The following DOCK9 variants were observed in gnomAD, a reference collection of about 807,000 sequenced individuals.
DOCK9 encodes the protein dedicator of cytokinesis 9.
DOCK9 carries 89 observed loss-of-function variants against 263.3 expected under a neutral mutation model. The observed-to-expected ratio is 0.34, with a 90% CI of 0.28 to 0.40. DOCK9 has a LOEUF of 0.40. Among genes scored for constraint, DOCK9 ranks in the 10% least tolerant of loss-of-function variants. DOCK9 has a pLI of 1.00. For missense variants in DOCK9, 2,140 were observed against 2,603.4 expected (o/e 0.82, Z 3.87); for synonymous variants, 976 against 973.1 (o/e 1.00, Z -0.06).
chr13:98,872,455 G>A lies in DOCK9; in HGVS notation c.2944-4078C>T, dbSNP rs776150806. Among the ~76,000 whole-genome samples, 265 of 151,604 alleles carry A rather than the reference G, an allele frequency of 1.7e-3. 1 individual carries two copies. Among genetic ancestry groups the A allele is most frequent in the Admixed American group, 3.5e-3 (53 of 15,238 alleles). Reference sequence around the variant, plus strand: ...AAGGTCTCACTCTGTCGCCCAGGCTGGAGTGCACTGGCACAATCACAGCTC... The same window carrying A: ...AAGGTCTCACTCTGTCGCCCAGGCTAGAGTGCACTGGCACAATCACAGCTC... On this transcript the variant is annotated intron_variant, in intron 27 of 52. Transcript: ENST00000682017.
intron 1 of DOCK9, among the ~76,000 whole-genome samples, chr13:99,024,250 G>T (rs1886458907): frequency 6.6e-6 from 1 of 152,178 alleles, no homozygotes; most frequent in African/African-American, 2.4e-5. Context: ...AAGCACCCAT[G>T]GCCCCACTGT....
intron 1 of DOCK9, among the ~76,000 whole-genome samples, chr13:99,024,027 T>A (rs1282889995): frequency 6.6e-6 from 1 of 152,166 alleles, no homozygotes; most frequent in African/African-American, 2.4e-5. Flanking sequence ...CTGCCAGAAG[T>A]GGCAACTTAA....
At position 98,888,459 on chromosome 13, in the gene DOCK9, G is replaced by C. The variant is rs1205827560; in HGVS notation, c.1878C>G (p.Pro626=). The part of the protein sequence containing the change: ...PITFEVEEFV[P]CIPKHTQPYT... ...AAGGCTGAGTGTGTTTTGGTATGCA[G>C]GGCACAAATTCCTCCACTTCAAACG... The change falls in exon 17 of 53, where the codon CCC becomes CCG. Residue 626 remains proline, a synonymous_variant. Transcript: ENST00000682017. 6.2e-7 allele frequency: 1 copy of C among 1,613,844 alleles called. No homozygotes were observed. Among genetic ancestry groups the C allele is most frequent in the African/African-American group, 1.3e-5 (1 of 74,930 alleles).
intron 1 of DOCK9, among the ~76,000 whole-genome samples, chr13:99,028,708 G>C (rs1454504029): frequency 6.6e-6 from 1 of 152,142 alleles, no homozygotes; most frequent in East Asian, 1.9e-4. Context: ...ACAAAGCCCA[G>C]CAACAGGTAA....
chr13:99,055,218 A>C (rs1034055288), intron 1 of DOCK9, among the ~76,000 whole-genome samples: 1 of 152,230 alleles, frequency 6.6e-6, no homozygotes, highest in Non-Finnish European at 1.5e-5. Flanking sequence ...TCTGAAATTA[A>C]ATAAAAGTTC....
chr13:98,932,394 CAAA>C (rs1314484806), intron 2 of DOCK9, among the ~76,000 whole-genome samples: 7 of 124,970 alleles, frequency 5.6e-5, no homozygotes, highest in African/African-American at 1.9e-4. Context: ...GACTCCATCT[CAAA>C]AAACAACAAC....
In DOCK9 at chr13:98,888,403, T is replaced by A. The variant is rs2138960482; in HGVS notation, c.1934A>T (p.Tyr645Phe). The change falls in exon 17 of 53, where the codon TAT becomes TTT. Residue 645 changes from tyrosine to phenylalanine, a missense_variant. By Grantham distance (22) the Tyr-to-Phe change is conservative. Coordinates refer to ENST00000682017, the MANE Select transcript of DOCK9 (RefSeq NM_001366683.2). ...ACTGTCGTATTTCAAGTACTTAGGATAAACGTAAAGGTGATTGGTGTAGAT... is the reference window on the plus strand; with the variant it reads ...ACTGTCGTATTTCAAGTACTTAGGAAAAACGTAAAGGTGATTGGTGTAGAT... Reference protein sequence around the residue: ...YTIYTNHLYVYPKYLKYDSQK... With the variant: ...YTIYTNHLYVFPKYLKYDSQK... 6.2e-6 allele frequency: 10 copies of A among 1,613,954 alleles called. No homozygotes were observed. The East Asian group carries it at 2.2e-4, about 36-fold the overall frequency.
intron 38 of DOCK9, among the ~76,000 whole-genome samples, chr13:98,840,943 A>G (rs553801128): frequency 6.6e-6 from 1 of 152,358 alleles, no homozygotes; most frequent in East Asian, 1.9e-4. Context: ...TAGAAGACCT[A>G]GTCTCCTAGA....
At chr13:98,953,017 A>G (rs1238970045) in intron 2 of DOCK9, among the ~76,000 whole-genome samples, 1 of 152,230 alleles carries the variant, frequency 6.6e-6, no homozygotes, top group East Asian at 1.9e-4. Context: ...TCTGCCTAAG[A>G]AAACACAGAT....
intron 45 of DOCK9, among the ~76,000 whole-genome samples, chr13:98,813,084 T>C (rs368564030): frequency 5.9e-5 from 9 of 152,372 alleles, no homozygotes; most frequent in South Asian, 2.1e-4. Context: ...AAGTTAATTT[T>C]TGTATACTAA....
At chr13:98,862,775 G>A (rs2093911007) in intron 32 of DOCK9, among the ~76,000 whole-genome samples, 2 of 152,130 alleles carry the variant, frequency 1.3e-5, no homozygotes, top group Admixed American at 1.3e-4. Context: ...GCAGAGACTG[G>A]CGCGATGCCA....
chr13:98,991,392 A>T (rs1408390872), intron 1 of DOCK9, among the ~76,000 whole-genome samples: 1 of 152,168 alleles, frequency 6.6e-6, no homozygotes, highest in Admixed American at 6.5e-5. Flanking sequence ...TTTCAATAAC[A>T]AGTGTGACAG....
At chr13:98,950,368 G>C in intron 2 of DOCK9, 1 of 935,766 alleles carries the variant, frequency 1.1e-6, no homozygotes, top group Admixed American at 2.0e-5. Context: ...TGCCTGAGTG[G>C]CTTTGAGGGC....
At chr13:98,890,809 C>A (rs1014235383) in intron 15 of DOCK9, among the ~76,000 whole-genome samples, 5 of 152,154 alleles carry the variant, frequency 3.3e-5, no homozygotes, top group Admixed American at 1.3e-4. Context: ...AGACTAGAGA[C>A]GATGTTGAGA....
intron 7 of DOCK9, among the ~76,000 whole-genome samples, chr13:98,920,170 GA>G (rs765129957): frequency 1.2e-4 from 18 of 152,320 alleles, no homozygotes; most frequent in Admixed American, 4.6e-4. Flanking sequence ...TGAAGGAGGG[GA>G]GGAGTCCAGA....
At chr13:98,946,885 CTCT>C (rs1420130501) in intron 2 of DOCK9, among the ~76,000 whole-genome samples, 3 of 152,276 alleles carry the variant, frequency 2.0e-5, no homozygotes, top group South Asian at 4.1e-4. Flanking sequence ...CTTCTTCCAA[CTCT>C]TCTTCTCCAT....
exon 1 of DOCK9, chr13:99,086,337 C>G: frequency 6.9e-7 from 1 of 1,452,044 alleles, no homozygotes; most frequent in Non-Finnish European, 9.0e-7. Context: ...CGGGGAGCAG[C>G]GGCGGCTGCG....
upstream of DOCK9, among the ~76,000 whole-genome samples, chr13:98,979,239 G>A (rs9513523): frequency 0.19 from 21,835 of 115,116 alleles, 2,282 homozygotes; most frequent in East Asian, 0.47. Context: ...TAGCAGCAGC[G>A]GCGGCAGCAG....
chr13:98,942,364 G>A (rs1424695695), intron 2 of DOCK9, among the ~76,000 whole-genome samples: 7 of 151,264 alleles, frequency 4.6e-5, no homozygotes, highest in South Asian at 2.1e-4. Flanking sequence ...TCAGCCTCCC[G>A]AGTAGCTGGG....
Sources: gnomAD v4.1 joint callset for allele counts (sites outside exome capture counted in the v4.1 genomes callset) on GRCh38, gnomAD v4.1.1 for gene constraint, MANE v1.5 for transcripts, NCBI Gene and HGNC (gene_info 2026-07-23, HGNC 2026-07-21) for gene names.